Variants in MYSM1 observed in about 807,000 individuals in gnomAD.
MYSM1 encodes Myb like, SWIRM and MPN domains 1, also known as deubiquitinase MYSM1.
A neutral mutation model predicts 116.0 loss-of-function variants in MYSM1; 51 were observed. The ratio of observed to expected loss-of-function variants is 0.44; its 90% CI spans 0.35 to 0.56. MYSM1 has a LOEUF of 0.56. MYSM1 is among the 20% of genes least tolerant of loss of function. The pLI is 0.00. For missense variants in MYSM1, 900 were observed against 974.9 expected, an observed-to-expected ratio of 0.92 and a Z score of 1.02; for synonymous variants, 313 against 315.2, an observed-to-expected ratio of 0.99 and a Z score of 0.07.
chr1:58,691,356 A>G (rs1054584481), intron 3 of MYSM1, among the ~76,000 whole-genome samples: 2 of 152,184 alleles, frequency 1.3e-5, no homozygotes, highest in Admixed American at 6.5e-5. Context: ...TCACTTAACA[A>G]GTATTTATTG....
In MYSM1 at chr1:58,689,085, A is replaced by G. The variant is rs1644867815; in HGVS notation, c.352T>C (p.Ser118Pro). ...TTTTCTTCTATCGTCCACTTTACTG[A>G]GTAACTGGCTGGTTTTGTAGGAGAG... ...VHSPTKPASY[S>P]VKWTIEEKEL... Residue 118 changes from serine (S) to proline (P), a missense_variant, in exon 6 of 20, where the codon TCA becomes CCA. Coordinates refer to ENST00000472487, the MANE Select transcript of MYSM1 (RefSeq NM_001085487.3). 1.2e-6 allele frequency: 2 copies of G among 1,611,522 alleles called. No homozygotes were observed. Among genetic ancestry groups the G allele is most frequent in the Non-Finnish European group, 1.7e-6 (2 of 1,179,504 alleles).
chr1:58,666,028 G>A (rs538325428), intron 16 of MYSM1, among the ~76,000 whole-genome samples: 3 of 152,028 alleles, frequency 2.0e-5, no homozygotes, highest in African/African-American at 7.2e-5. Context: ...CTGCACTCTA[G>A]CCTGGGTGAC....
chr1:58,667,760 TA>T (rs1265530703), intron 15 of MYSM1, 86 bp downstream of exon 15: 3 of 803,084 alleles, frequency 3.7e-6, no homozygotes, highest in Non-Finnish European at 6.3e-6. Context: ...GTCTGTATTT[TA>T]ATTATATTAA....
At position 58,660,028 on chromosome 1, in the gene MYSM1, T is replaced by G. The variant is rs1644368359; in HGVS notation, c.2456A>C (p.Glu819Ala). The G allele has an allele frequency of 6.2e-7, 1 of 1,604,150 alleles. No homozygotes were observed. Residue 819 changes from glutamate (E) to alanine (A), a missense_variant, in exon 20 of 20, where the codon GAA becomes GCA. By Grantham distance (107) the Glu-to-Ala change is moderately radical (BLOSUM62 -1). Transcript: ENST00000472487. ...YKSNQENGVT[E>A]ENCTKELLM The stretch of plus-strand genomic sequence containing the variant: ...TAACAATTCCTTTGTACAGTTCTCT[T>G]CGGTTACTCCATTCTCTTGGTTGCT...
intron 1 of MYSM1, among the ~76,000 whole-genome samples, chr1:58,698,102 A>ATATATATATAGATATATTTTTTTTTT: frequency 1.3e-4 from 1 of 7,776 alleles, no homozygotes; most frequent in Non-Finnish European, 3.6e-4. Flanking sequence ...ATATATATAT[A>ATATATATATAGATATATTTTTTTTTT]TTTTTTTTTT....
At chr1:58,679,240 G>GT (rs2100641075) in intron 8 of MYSM1, among the ~76,000 whole-genome samples, 1 of 152,104 alleles carries the variant, frequency 6.6e-6, no homozygotes, top group Non-Finnish European at 1.5e-5. Context: ...ACAAATGTGA[G>GT]TTCCTGTTCA....
chr1:58,668,767 C>T, intron 13 of MYSM1, 85 bp from the exon 14 acceptor site: 1 of 1,204,928 alleles, frequency 8.3e-7, no homozygotes, highest in Non-Finnish European at 1.2e-6. Flanking sequence ...ACCCTGTTCT[C>T]CTTTATCCAC....
intron 19 of MYSM1, among the ~76,000 whole-genome samples, 163 bp downstream of exon 19, chr1:58,661,007 G>A (rs887197924): frequency 1.3e-5 from 2 of 151,972 alleles, no homozygotes; most frequent in Non-Finnish European, 2.9e-5. Context: ...AACAAAAAAC[G>A]TTACTAATTA....
Position 58,667,226 on chromosome 1 carries a change from C to T in MYSM1, c.1843G>A (p.Val615Ile). ...CTGTTACATGGTTCTGCTGCACAGA[C>T]CTATAAACGATTGATCCTCAAATGA... is the stretch of plus-strand genomic sequence containing the variant. Reference protein sequence around the residue: ...RYSEVDKVVEVCAAEPCNSLS... With the variant: ...RYSEVDKVVEICAAEPCNSLS... Residue 615 changes from valine to isoleucine, a missense_variant and splice_region_variant, in exon 16 of 20, where the codon GTC becomes ATC. Around this residue, in one of 3 missense-constraint regions of MYSM1, gnomAD observed 92 missense variants for 155.0 expected, o/e 0.59. Transcript: ENST00000472487. 6.5e-7 allele frequency: 1 copy of T among 1,530,756 alleles called. No homozygotes were observed. The highest frequency in any genetic ancestry group is 8.8e-7 in the Non-Finnish European group (1 of 1,133,748). The allele number at this position is 1,530,756 out of a possible 1,614,324, so 94.8% of individuals were successfully genotyped here. A position where few individuals can be genotyped will look rare whatever the true frequency, so the allele number is the denominator to read the frequency against.
chr1:58,663,024 A>G (rs1487948406), intron 17 of MYSM1, among the ~76,000 whole-genome samples: 1 of 152,166 alleles, frequency 6.6e-6, no homozygotes, highest in Non-Finnish European at 1.5e-5. Context: ...CCTTACAACC[A>G]TATACCTACT....
intron 1 of MYSM1, among the ~76,000 whole-genome samples, chr1:58,698,598 C>T (rs572434258): frequency 6.6e-5 from 10 of 152,094 alleles, no homozygotes; most frequent in Non-Finnish European, 1.5e-4. Flanking sequence ...AAGAAGCATA[C>T]AGCCAATGCC....
rs375647769 is a variant in MYSM1 at position 58,666,999 on chromosome 1, T to A, written c.2031+39A>T. On this transcript the variant is annotated intron_variant, in intron 16 of 19. Transcript: ENST00000472487. ...TATTTAAAAGGGAGCATTGAGGGGG[T>A]GTGCAACCATTTACAGAATATAAAT... 5.7e-6 allele frequency: 7 copies of A among 1,231,392 alleles called. No individual in the cohort carries two copies. The African/African-American group carries it at 7.5e-5, about 13-fold the overall frequency. 76.3% of individuals were successfully genotyped at this position (1,231,392 alleles called of 1,614,324 possible).
At chr1:58,685,086 GA>G (rs1341702324) in intron 7 of MYSM1, 66 bp downstream of exon 7, 1 of 1,310,260 alleles carries the variant, frequency 7.6e-7, no homozygotes, top group African/African-American at 1.5e-5. Flanking sequence ...CTGAATTAAA[GA>G]AATACTTCTG....
chr1:58,667,378 A>T, intron 15 of MYSM1, 152 bp from the exon 16 acceptor site: 1 of 519,150 alleles, frequency 1.9e-6, no homozygotes, highest in Non-Finnish European at 3.2e-6. Context: ...AATGACTTAA[A>T]CTCCAAAAGT....
rs571148971 is a variant in MYSM1 at position 58,676,006 on chromosome 1, T to G, written c.1391-426A>C. 5.9e-5 allele frequency among the ~76,000 whole-genome samples: 9 copies of G among 152,318 alleles called. No homozygotes were observed. The East Asian group carries it at 1.7e-3, about 29-fold the overall frequency. ...AATCATATCTGACAGAAAATCTTCTTGTTAGTTGTCTCCCTTTCATAGACA... is the reference window on the plus strand; with the variant it reads ...AATCATATCTGACAGAAAATCTTCTGGTTAGTTGTCTCCCTTTCATAGACA... On this transcript the variant is annotated intron_variant, in intron 9 of 19. Transcript: ENST00000472487.
intron 1 of MYSM1, 116 bp from the exon 2 acceptor site, chr1:58,695,323 T>C (rs1446432651): frequency 1.7e-6 from 1 of 590,786 alleles, no homozygotes; most frequent in South Asian, 2.1e-5. Context: ...CTTAGTTCCC[T>C]TCTCCCCTTA....
At position 58,655,279 on chromosome 1, in the gene MYSM1, C is replaced by T. The variant is rs908724955; in HGVS notation, c.*4718G>A. 41 of 151,622 alleles carry T rather than the reference C, an allele frequency of 2.7e-4. No homozygotes were observed. Among genetic ancestry groups the T allele is most frequent in the Admixed American group, 7.2e-4 (11 of 15,194 alleles). The allele number at this position is 151,622 out of a possible 1,614,324, so 9.4% of individuals were successfully genotyped here. A position where few individuals can be genotyped will look rare whatever the true frequency, so the allele number is the denominator to read the frequency against. Reference sequence around the variant, plus strand: ...CTATGAAAACATATTTAACTGACTTCTTAAGAGACGAGGAAATGTCAAAAA... The same window carrying T: ...CTATGAAAACATATTTAACTGACTTTTTAAGAGACGAGGAAATGTCAAAAA... On this transcript the variant is annotated 3_prime_UTR_variant, in exon 20 of 20. Transcript: ENST00000472487.
chr1:58,685,102 G>A, intron 7 of MYSM1, 51 bp downstream of exon 7: 1 of 1,439,340 alleles, frequency 6.9e-7, no homozygotes, highest in South Asian at 1.3e-5. Flanking sequence ...CTTCTGCTTA[G>A]TTTTTTCTAA....
At chr1:58,697,739 G>A (rs1644997239) in intron 1 of MYSM1, among the ~76,000 whole-genome samples, 1 of 151,374 alleles carries the variant, frequency 6.6e-6, no homozygotes, top group Non-Finnish European at 1.5e-5. Flanking sequence ...ACAGGCAGGT[G>A]CCACCATGCC....
Sources: allele counts gnomAD v4.1 joint callset (sites outside exome capture counted in the v4.1 genomes callset), GRCh38; gene constraint gnomAD v4.1.1; regional missense constraint gnomAD v4.1.1; transcripts MANE v1.5; gene names NCBI Gene and HGNC (gene_info 2026-07-23, HGNC 2026-07-21).